The following RAB18 variants were observed in gnomAD, a reference collection of about 807,000 sequenced individuals.
RAB18 encodes the protein RAB18, member RAS oncogene family.
Under a neutral mutation model 28.5 loss-of-function variants are expected in RAB18, and 10 were observed. The observed-to-expected ratio is 0.35, with a 90% CI of 0.22 to 0.60. The LOEUF (loss-of-function observed/expected upper bound fraction) is 0.60. RAB18 is among the 20% of genes least tolerant of loss of function. The probability of loss-of-function intolerance (pLI) is 0.78; values close to 1 mark genes in which losing one functional copy is unlikely to be tolerated. For missense variants in RAB18, 188 were observed against 244.2 expected, an observed-to-expected ratio of 0.77 and a Z score of 1.53; for synonymous variants, 93 against 86.9, an observed-to-expected ratio of 1.07 and a Z score of -0.39.
In RAB18 at chr10:27,540,412, A is replaced by G. The variant is rs1203613796; in HGVS notation, c.*2361A>G. 4 of 453,976 alleles carry G rather than the reference A, an allele frequency of 8.8e-6. No individual in the cohort carries two copies. The highest frequency in any genetic ancestry group is 4.7e-5 in the Admixed American group (2 of 42,556). 28.1% of individuals were successfully genotyped at this position (453,976 alleles called of 1,614,324 possible). ...ACTCTTCACCATCGCTCATTTTACAATGGGTAGTTAGTTACCAGCTTTTTG... is the reference window on the plus strand; with the variant it reads ...ACTCTTCACCATCGCTCATTTTACAGTGGGTAGTTAGTTACCAGCTTTTTG... On this transcript the variant is annotated 3_prime_UTR_variant, in exon 7 of 7. Transcript: ENST00000356940.
At chr10:27,534,901 G>C (rs115055356) in intron 6 of RAB18, among the ~76,000 whole-genome samples, 2,476 of 152,268 alleles carry the variant, frequency 0.016, 70 homozygotes, top group African/African-American at 0.052. Context: ...TTTACTTGCT[G>C]TATGTCCCTC....
chr10:27,531,164 A>G (rs1048938816), intron 3 of RAB18, among the ~76,000 whole-genome samples: 3 of 152,058 alleles, frequency 2.0e-5, no homozygotes, highest in African/African-American at 7.2e-5. Context: ...TCACTTAAGC[A>G]TGGCAGGGTG....
chr10:27,529,152 G>T (rs1462242151), intron 3 of RAB18, among the ~76,000 whole-genome samples: 1 of 151,802 alleles, frequency 6.6e-6, no homozygotes, highest in Non-Finnish European at 1.5e-5. Flanking sequence ...TTGTGTGTGT[G>T]TGTAATACTG....
rs1468356994 is a variant in RAB18 at position 27,540,926 on chromosome 10, C to T, written c.*2875C>T. ...TAAAAGAATCCTTCTTACACCAGTACTTGTTCTGCCTGTGAGTTGGCACAG... is the reference window on the plus strand; with the variant it reads ...TAAAAGAATCCTTCTTACACCAGTATTTGTTCTGCCTGTGAGTTGGCACAG... On this transcript the variant is annotated 3_prime_UTR_variant, in exon 7 of 7. Transcript: ENST00000356940. 2.2e-6 allele frequency: 1 copy of T among 454,080 alleles called. No individual in the cohort carries two copies. The highest frequency in any genetic ancestry group is 2.3e-5 in the Admixed American group (1 of 42,582). The allele number at this position is 454,080 out of a possible 1,614,324, so 28.1% of individuals were successfully genotyped here.
rs558440414 is a variant in RAB18, at chr10:27,537,404, G to A, written c.446-472G>A. On this transcript the variant is annotated intron_variant, in intron 6 of 6. Coordinates refer to ENST00000356940, the MANE Select transcript of RAB18 (RefSeq NM_021252.5). ...AGTTTCATGAGCAAACATTTGCTGT[G>A]GGACCAGTTTTCATGGTGGTTTGTC... 2.0e-3 allele frequency among the ~76,000 whole-genome samples: 299 copies of A among 152,288 alleles called. 2 individuals are homozygous for A. Among genetic ancestry groups the A allele is most frequent in the African/African-American group, 6.7e-3 (279 of 41,560 alleles).
At chr10:27,520,946 A>AT (rs1185652983) in intron 2 of RAB18, among the ~76,000 whole-genome samples, 31 of 146,842 alleles carry the variant, frequency 2.1e-4, no homozygotes, top group Non-Finnish European at 2.7e-4. Context: ...AAAAAAGAAA[A>AT]TTTTTTTTTC....
chr10:27,534,996 G>A (rs1834863885), intron 6 of RAB18, among the ~76,000 whole-genome samples: 2 of 152,316 alleles, frequency 1.3e-5, no homozygotes, highest in South Asian at 4.1e-4. Flanking sequence ...TGCCCACATG[G>A]AGCTTACATT....
At chr10:27,516,086 G>C (rs1450861483) in intron 2 of RAB18, among the ~76,000 whole-genome samples, 1 of 151,714 alleles carries the variant, frequency 6.6e-6, no homozygotes, top group Non-Finnish European at 1.5e-5. Flanking sequence ...TTCTTTTGGT[G>C]TTATTTTTTT....
intron 6 of RAB18, 67 bp from the exon 7 acceptor site, chr10:27,537,809 C>G (rs1834930936): frequency 7.1e-7 from 1 of 1,414,792 alleles, no homozygotes; most frequent in Non-Finnish European, 9.9e-7. Flanking sequence ...TGATAGTTTC[C>G]CAGAAAAACA....
intron 4 of RAB18, among the ~76,000 whole-genome samples, chr10:27,532,880 T>G (rs983049447): frequency 6.6e-6 from 1 of 152,088 alleles, no homozygotes; most frequent in African/African-American, 2.4e-5. Flanking sequence ...AAACTGGGCT[T>G]CTGTTATCAG....
At chr10:27,529,142 TTG>T (rs200183417) in intron 3 of RAB18, among the ~76,000 whole-genome samples, 4 of 151,802 alleles carry the variant, frequency 2.6e-5, no homozygotes, top group African/African-American at 7.2e-5. Flanking sequence ...GTTTGTGTTC[TTG>T]TGTGTGTGTG....
At chr10:27,515,666 C>T (rs1834423419) in intron 2 of RAB18, among the ~76,000 whole-genome samples, 1 of 151,748 alleles carries the variant, frequency 6.6e-6, no homozygotes, top group Admixed American at 6.6e-5. Flanking sequence ...CTTGGGAGGT[C>T]AAGGCTGCAG....
chr10:27,511,474 G>A (rs1237945552), intron 2 of RAB18, among the ~76,000 whole-genome samples: 1 of 152,096 alleles, frequency 6.6e-6, no homozygotes, highest in African/African-American at 2.4e-5. Context: ...CCAAAGTACT[G>A]GGATTGCAGG....
rs781522998 is a variant in RAB18 at position 27,533,800 on chromosome 10, T to C, written c.325T>C (p.Tyr109His). The stretch of plus-strand genomic sequence containing the variant: ...TAATTGGTTAAATGAATTGGAAACA[T>C]ACTGTACAAGAAATGACATAGTAAA... ...LDNWLNELET[Y>H]CTRNDIVNML... Residue 109 changes from tyrosine (Y) to histidine (H), a missense_variant, in exon 5 of 7, where the codon TAC becomes CAC. Tyr to His is a moderately conservative substitution (Grantham distance 83). Coordinates refer to ENST00000356940, the MANE Select transcript of RAB18 (RefSeq NM_021252.5). 7 of 1,613,718 alleles carry C rather than the reference T, an allele frequency of 4.3e-6. No homozygotes were observed. Among genetic ancestry groups the C allele is most frequent in the Admixed American group, 1.7e-5 (1 of 60,014 alleles).
At position 27,504,318 on chromosome 10, in the gene RAB18, C is replaced by G. The variant is rs887223169; in HGVS notation, c.-52C>G. 1 of 1,535,716 alleles carries G rather than the reference C, an allele frequency of 6.5e-7. No homozygotes were observed. Among genetic ancestry groups the G allele is most frequent in the Admixed American group, 2.0e-5 (1 of 51,170 alleles). On this transcript the variant is annotated 5_prime_UTR_variant, in exon 1 of 7. Transcript: ENST00000356940. Reference sequence around the variant, plus strand: ...CGCAGCAGCTCACTCTGCTGAAGGGCTGAGAGGCGCACCCGGGCGGCCAGC... The same window carrying G: ...CGCAGCAGCTCACTCTGCTGAAGGGGTGAGAGGCGCACCCGGGCGGCCAGC...
chr10:27,533,135 T>A lies in RAB18; in HGVS notation c.259+556T>A, dbSNP rs1421988556. On this transcript the variant is annotated intron_variant, in intron 4 of 6. Coordinates refer to ENST00000356940, the MANE Select transcript of RAB18 (RefSeq NM_021252.5). Reference sequence around the variant, plus strand: ...ATTAATAGGTAGAATTCTCTTTTTTTAAATATTATGGCTTGGTAGTGACAG... The same window carrying A: ...ATTAATAGGTAGAATTCTCTTTTTTAAAATATTATGGCTTGGTAGTGACAG... Among the ~76,000 whole-genome samples the A allele has an allele frequency of 2.0e-5, 3 of 152,064 alleles. No individual in the cohort carries two copies. The East Asian group carries it at 5.8e-4, about 29-fold the overall frequency.
chr10:27,536,092 A>AG (rs1333399422), intron 6 of RAB18, among the ~76,000 whole-genome samples: 1 of 151,594 alleles, frequency 6.6e-6, no homozygotes, highest in Non-Finnish European at 1.5e-5. Flanking sequence ...AAAAAAAAAA[A>AG]AAGAGAGCAA....
At chr10:27,515,709 G>A (rs1369743280) in intron 2 of RAB18, among the ~76,000 whole-genome samples, 1 of 151,958 alleles carries the variant, frequency 6.6e-6, no homozygotes, top group African/African-American at 2.4e-5. Flanking sequence ...ATTCTAGCCT[G>A]GGTGACAGAG....
intron 2 of RAB18, among the ~76,000 whole-genome samples, chr10:27,523,784 A>C (rs1460007790): frequency 6.6e-6 from 1 of 151,778 alleles, no homozygotes; most frequent in Non-Finnish European, 1.5e-5. Context: ...GGCTAATTTT[A>C]AAAGTTTATT....
Sources: allele counts gnomAD v4.1 joint callset (sites outside exome capture counted in the v4.1 genomes callset), GRCh38; gene constraint gnomAD v4.1.1; transcripts MANE v1.5; gene names NCBI Gene and HGNC (gene_info 2026-07-23, HGNC 2026-07-21).